The following COA8 variants were observed in gnomAD, a reference collection of about 807,000 sequenced individuals.
COA8 encodes UPF0671 protein C14orf153.
Under a neutral mutation model 22.0 loss-of-function variants are expected in COA8, and 20 were observed. The ratio of observed to expected loss-of-function variants is 0.91; its 90% confidence interval spans 0.64 to 1.32. The LOEUF (loss-of-function observed/expected upper bound fraction) is 1.32. Among genes scored for constraint, COA8 ranks in the 40% most tolerant of loss-of-function variants. COA8 has a pLI of 0.00. For missense variants in COA8, 266 were observed against 230.0 expected (o/e 1.16, Z -1.01); for synonymous variants, 105 against 79.9 (o/e 1.31, Z -1.68).
intron 2 of COA8, 92 bp downstream of exon 2, chr14:103,571,912 G>A (rs1029502036): frequency 4.2e-5 from 46 of 1,091,184 alleles, no homozygotes; most frequent in Non-Finnish European, 6.1e-5. Context: ...CAGATCACGA[G>A]GTCAGGAGAT....
At chr14:103,585,126 A>G (rs573158157) in intron 3 of COA8, among the ~76,000 whole-genome samples, 1 of 150,226 alleles carries the variant, frequency 6.7e-6, no homozygotes, top group African/African-American at 2.5e-5. Context: ...TGACAGAGCA[A>G]GACTCTGTCT....
At chr14:103,575,776 T>C (rs2076225783) in intron 3 of COA8, among the ~76,000 whole-genome samples, 1 of 152,144 alleles carries the variant, frequency 6.6e-6, no homozygotes, top group Non-Finnish European at 1.5e-5. Context: ...CTAGGCTTAC[T>C]GCAGCCTTGA....
chr14:103,563,095 G>T lies in COA8; in HGVS notation c.94G>T (p.Ala32Ser), dbSNP rs1398576110. The change falls in exon 1 of 5, where the codon GCC becomes TCC. Residue 32 changes from alanine to serine, a missense_variant. Physicochemically the swap from Ala to Ser is moderately conservative, Grantham distance 99. Transcript: ENST00000409074. ...CTGTCAACTCGCTCCGGAGCGCGGC[G>T]CCGAGCGCAGGGATACGGCGCCCAG... ...RGCQLAPERG[A>S]ERRDTAPSGV... 5.2e-6 allele frequency: 8 copies of T among 1,539,520 alleles called. No homozygotes were observed. Among genetic ancestry groups the T allele is most frequent in the Non-Finnish European group, 7.0e-6 (8 of 1,147,646 alleles).
intron 3 of COA8, among the ~76,000 whole-genome samples, chr14:103,582,343 C>CG (rs1376269492): frequency 1.3e-5 from 2 of 152,126 alleles, no homozygotes; most frequent in Non-Finnish European, 2.9e-5. Flanking sequence ...CTCCCTGTAA[C>CG]GGGCTGTGGG....
At chr14:103,586,041 C>G (rs1026753137) in intron 3 of COA8, among the ~76,000 whole-genome samples, 1 of 151,760 alleles carries the variant, frequency 6.6e-6, no homozygotes, top group African/African-American at 2.4e-5. Context: ...GCTGGGATTA[C>G]AGGTGCCTGC....
intron 3 of COA8, among the ~76,000 whole-genome samples, chr14:103,575,673 G>A (rs2076225128): frequency 6.6e-6 from 1 of 152,188 alleles, no homozygotes; most frequent in East Asian, 1.9e-4. Flanking sequence ...ATGTATTCCA[G>A]TGGGTCAAAA....
chr14:103,584,416 G>C (rs1041042969), intron 3 of COA8, among the ~76,000 whole-genome samples: 1 of 152,106 alleles, frequency 6.6e-6, no homozygotes, highest in African/African-American at 2.4e-5. Flanking sequence ...CAGTACAGGA[G>C]CCCACCAGAG....
At chr14:103,588,680 C>CA (rs2076329339) in intron 4 of COA8, among the ~76,000 whole-genome samples, 1 of 151,744 alleles carries the variant, frequency 6.6e-6, no homozygotes, top group Non-Finnish European at 1.5e-5. Flanking sequence ...CCTGTCTCTA[C>CA]AAAAAATACA....
At chr14:103,586,462 C>T (rs1166357757) in intron 3 of COA8, among the ~76,000 whole-genome samples, 2 of 152,036 alleles carry the variant, frequency 1.3e-5, no homozygotes, top group Non-Finnish European at 2.9e-5. Flanking sequence ...CCTGCCTCAG[C>T]TTCCCAAGTA....
intron 4 of COA8, among the ~76,000 whole-genome samples, chr14:103,589,172 G>A (rs183613185): frequency 6.6e-6 from 1 of 152,136 alleles, no homozygotes; most frequent in Non-Finnish European, 1.5e-5. Context: ...CAGCAGAAGT[G>A]TAGCTTGCTT....
At chr14:103,582,917 C>T (rs1366179687) in intron 3 of COA8, among the ~76,000 whole-genome samples, 1 of 152,048 alleles carries the variant, frequency 6.6e-6, no homozygotes. Flanking sequence ...TCAATTCCTG[C>T]CTCACCTAAC....
At chr14:103,589,896 A>G (rs2076337689) in intron 4 of COA8, among the ~76,000 whole-genome samples, 3 of 152,004 alleles carry the variant, frequency 2.0e-5, no homozygotes. Flanking sequence ...CCTGGGCGAC[A>G]GACCGAGACT....
At chr14:103,580,130 G>A (rs2076256621) in intron 3 of COA8, among the ~76,000 whole-genome samples, 1 of 152,238 alleles carries the variant, frequency 6.6e-6, no homozygotes, top group East Asian at 1.9e-4. Flanking sequence ...AGGCTGGAGT[G>A]CAGTGGCGCG....
At chr14:103,576,112 C>A (rs2076228417) in intron 3 of COA8, among the ~76,000 whole-genome samples, 1 of 152,122 alleles carries the variant, frequency 6.6e-6, no homozygotes, top group South Asian at 2.1e-4. Flanking sequence ...TCGAGACCAG[C>A]CTGATCAACA....
intron 3 of COA8, among the ~76,000 whole-genome samples, chr14:103,576,897 C>T (rs1001200678): frequency 2.6e-5 from 4 of 152,102 alleles, no homozygotes; most frequent in African/African-American, 4.8e-5. Context: ...GCTGGGTAGG[C>T]GCAGGGATCA....
intron 3 of COA8, among the ~76,000 whole-genome samples, chr14:103,586,028 G>A (rs867622545): frequency 1.2e-4 from 18 of 151,502 alleles, no homozygotes; most frequent in African/African-American, 4.4e-4. Context: ...AGCCTCCTGA[G>A]TAGCTGGGAT....
intron 1 of COA8, among the ~76,000 whole-genome samples, chr14:103,568,462 T>C (rs553934076): frequency 1.6e-4 from 24 of 151,280 alleles, no homozygotes; most frequent in Admixed American, 2.6e-4. Flanking sequence ...CATACATACA[T>C]ACATACACAC....
At chr14:103,577,806 C>T (rs2076239905) in intron 3 of COA8, among the ~76,000 whole-genome samples, 1 of 152,026 alleles carries the variant, frequency 6.6e-6, no homozygotes, top group Non-Finnish European at 1.5e-5. Context: ...AGGCGGATCA[C>T]CTGAGGTCAG....
intron 3 of COA8, among the ~76,000 whole-genome samples, chr14:103,578,133 G>C (rs2076242663): frequency 6.6e-6 from 1 of 151,876 alleles, no homozygotes; most frequent in Non-Finnish European, 1.5e-5. Flanking sequence ...GGTGGAGGCT[G>C]CAGTGAGCCG....
Sources: gnomAD v4.1 joint callset for allele counts (sites outside exome capture counted in the v4.1 genomes callset) on GRCh38, gnomAD v4.1.1 for gene constraint, MANE v1.5 for transcripts, NCBI Gene and HGNC (gene_info 2026-07-23, HGNC 2026-07-21) for gene names.